The following FLNB variants were observed in gnomAD, a reference collection of about 807,000 sequenced individuals.
FLNB encodes the protein filamin-B.
FLNB carries 111 observed loss-of-function variants against 250.6 expected under a neutral mutation model. The observed-to-expected ratio is 0.44, with a 90% confidence interval of 0.38 to 0.52. The LOEUF (loss-of-function observed/expected upper bound fraction) is 0.52. Ranked by LOEUF, FLNB falls within the 20% of genes least tolerant of loss-of-function variation. The probability of loss-of-function intolerance (pLI) is 0.00; values close to 1 mark genes in which losing one functional copy is unlikely to be tolerated. For missense variants in FLNB, 2,869 were observed against 3,447.8 expected, an observed-to-expected ratio of 0.83 and a Z score of 4.20; for synonymous variants, 1,302 against 1,372.1, an observed-to-expected ratio of 0.95 and a Z score of 1.13.
chr3:58,069,308 C>A, intron 1 of FLNB, among the ~76,000 whole-genome samples: 1 of 135,832 alleles, frequency 7.4e-6, no homozygotes, highest in East Asian at 2.2e-4. Flanking sequence ...GGAGTGATTT[C>A]GGCTCACTGA....
intron 1 of FLNB, among the ~76,000 whole-genome samples, chr3:58,063,581 C>T (rs1012861151): frequency 2.0e-5 from 3 of 152,182 alleles, no homozygotes; most frequent in African/African-American, 7.2e-5. Context: ...TTGTGGTTTC[C>T]TCCCTTTTCT....
rs762939480 is a variant in FLNB at position 58,150,233 on chromosome 3, C to T, written c.6367+6C>T. On this transcript the variant is annotated splice_donor_region_variant and intron_variant, in intron 38 of 45. Transcript: ENST00000295956. ...CCTGAACCTGAAAATCCCAGGTGGGCGTCGGGGACTAGTAGGGTGGGGAAG... is the reference window on the plus strand; with the variant it reads ...CCTGAACCTGAAAATCCCAGGTGGGTGTCGGGGACTAGTAGGGTGGGGAAG... 14 of 1,614,114 alleles carry T rather than the reference C, an allele frequency of 8.7e-6. No individual in the cohort carries two copies. In the East Asian group the frequency reaches 1.1e-4, roughly 13 times the overall value.
intron 18 of FLNB, among the ~76,000 whole-genome samples, chr3:58,115,425 G>C (rs1168441686): frequency 6.6e-6 from 1 of 152,202 alleles, no homozygotes; most frequent in Non-Finnish European, 1.5e-5. Flanking sequence ...CCGTTAGAAA[G>C]TAAGTTGCAG....
intron 1 of FLNB, among the ~76,000 whole-genome samples, chr3:58,058,089 A>G (rs1007035164): frequency 3.3e-5 from 5 of 152,158 alleles, no homozygotes; most frequent in African/African-American, 4.8e-5. Context: ...GTGCCTGGCC[A>G]GTTGAGTGGA....
At chr3:58,045,475 T>A (rs78658940) in intron 1 of FLNB, among the ~76,000 whole-genome samples, 1 of 144,870 alleles carries the variant, frequency 6.9e-6, no homozygotes, top group South Asian at 2.1e-4. Context: ...TTCGCATTTG[T>A]TTTTTAAAGC....
rs1419019627 is a variant in FLNB, at chr3:58,142,803, T to TC, written c.5284+54dup. ...TCATTCTCACTTGCTCTCACGAGCT[T>TC]CCCAGAATGGTGCTGGGGAGGTGTG... On this transcript the variant is annotated intron_variant, in intron 31 of 45. Coordinates refer to ENST00000295956, the MANE Select transcript of FLNB (RefSeq NM_001457.4). The surrounding 1 kb of genome is among the most constrained non-coding windows in gnomAD (Gnocchi z 4.3). 1 of 1,506,440 alleles carries TC rather than the reference T, an allele frequency of 6.6e-7. No homozygotes were observed. The highest frequency in any genetic ancestry group is 9.2e-7 in the Non-Finnish European group (1 of 1,083,754). 93.3% of individuals were successfully genotyped at this position (1,506,440 alleles called of 1,614,324 possible).
rs60873331 is a variant in FLNB at position 58,025,014 on chromosome 3, CTTTTTTTTTTTTTTT to C, written c.292+16162_292+16176del. Among the ~76,000 whole-genome samples the C allele has an allele frequency of 5.4e-3, 730 of 134,882 alleles. 2 individuals are homozygous for C. The highest frequency in any genetic ancestry group is 8.6e-3 in the Non-Finnish European group (552 of 63,820). The allele number at this position is 134,882 out of a possible 152,430, so 88.5% of individuals were successfully genotyped here. ...GCGTGAGCCACTGAGCCCAGCCTTC[CTTTTTTTTTTTTTTT>C]TTTAAGTAGCTCCATTGCCCTCCCT... On this transcript the variant is annotated intron_variant, in intron 1 of 45. Coordinates refer to ENST00000295956, the MANE Select transcript of FLNB (RefSeq NM_001457.4).
intron 29 of FLNB, among the ~76,000 whole-genome samples, chr3:58,138,799 T>C (rs1471337516): frequency 6.6e-6 from 1 of 152,206 alleles, no homozygotes; most frequent in Non-Finnish European, 1.5e-5. Flanking sequence ...GCCCAGGCAT[T>C]TTGAAAGATA....
In FLNB at chr3:58,104,909, A is replaced by G. The variant is rs3817448; in HGVS notation, c.1611-171A>G. Reference sequence around the variant, plus strand: ...CACATTACATTATATTGTTGACATAACAGTAGCTATGGGTGAGAGGCCTGC... The same window carrying G: ...CACATTACATTATATTGTTGACATAGCAGTAGCTATGGGTGAGAGGCCTGC... On this transcript the variant is annotated intron_variant, in intron 10 of 45. Coordinates refer to ENST00000295956, the MANE Select transcript of FLNB (RefSeq NM_001457.4). 0.012 allele frequency among the ~76,000 whole-genome samples: 1,821 copies of G among 152,276 alleles called. 38 individuals carry two copies. The highest frequency in any genetic ancestry group is 0.061 in the East Asian group (314 of 5,188).
chr3:58,056,112 T>A (rs913732291), intron 1 of FLNB, among the ~76,000 whole-genome samples: 2 of 134,364 alleles, frequency 1.5e-5, no homozygotes, highest in Non-Finnish European at 3.0e-5. Flanking sequence ...TTTATTTTTT[T>A]TTTTTTTGAG....
intron 4 of FLNB, among the ~76,000 whole-genome samples, chr3:58,084,687 G>A (rs749868746): frequency 2.0e-5 from 3 of 151,992 alleles, no homozygotes; most frequent in Admixed American, 2.0e-4. Context: ...TTGTGCAACC[G>A]CCACTGCTAT....
intron 1 of FLNB, among the ~76,000 whole-genome samples, chr3:58,048,423 T>C: frequency 6.6e-6 from 1 of 152,234 alleles, no homozygotes; most frequent in East Asian, 1.9e-4. Flanking sequence ...TCTTCGGCTG[T>C]AGAATGTTCC....
intron 29 of FLNB, among the ~76,000 whole-genome samples, chr3:58,139,730 C>G (rs2097323358): frequency 6.6e-6 from 1 of 151,992 alleles, no homozygotes; most frequent in South Asian, 2.1e-4. Context: ...GAGAAGGGTA[C>G]CAGTTGTAGT....
intron 36 of FLNB, chr3:58,149,160 C>T (rs556590308): frequency 1.5e-5 from 6 of 404,082 alleles, no homozygotes; most frequent in South Asian, 1.4e-4. Flanking sequence ...TTGTTCTCAG[C>T]TTCCCAGCGT....
intron 26 of FLNB, 135 bp from the exon 27 acceptor site, chr3:58,134,481 C>A: frequency 1.9e-6 from 2 of 1,027,086 alleles, no homozygotes; most frequent in East Asian, 2.4e-5. Context: ...GACTTAGGCA[C>A]CTTGACTAAC....
intron 17 of FLNB, 52 bp from the exon 18 acceptor site, chr3:58,112,097 G>T: frequency 6.3e-7 from 1 of 1,582,656 alleles, no homozygotes; most frequent in Non-Finnish European, 8.7e-7. Context: ...GGTTCTCAAA[G>T]TGAAACTACT....
chr3:58,097,757 C>T, intron 6 of FLNB, 58 bp from the exon 7 acceptor site: 1 of 1,531,740 alleles, frequency 6.5e-7, no homozygotes, highest in Non-Finnish European at 9.0e-7. Flanking sequence ...GGCTTGATGT[C>T]AGTCTTGCTG....
At chr3:58,029,159 T>C (rs1053807127) in intron 1 of FLNB, among the ~76,000 whole-genome samples, 33 of 152,322 alleles carry the variant, frequency 2.2e-4, no homozygotes, top group African/African-American at 7.9e-4. Context: ...TATGTAGTGG[T>C]AACTAACTTT....
chr3:58,134,922 A>T (rs2097313566), intron 27 of FLNB, 150 bp downstream of exon 27: 1 of 722,728 alleles, frequency 1.4e-6, no homozygotes, highest in Non-Finnish European at 2.4e-6. Context: ...AATGTGCAGA[A>T]GCAGAAGCAG....
Sources: gnomAD v4.1 joint callset for allele counts (sites outside exome capture counted in the v4.1 genomes callset) on GRCh38, gnomAD v4.1.1 for gene constraint, Gnocchi (gnomAD v3.1) non-coding constraint, MANE v1.5 for transcripts, NCBI Gene and HGNC (gene_info 2026-07-23, HGNC 2026-07-21) for gene names.